The following NPSR1 variants were observed in gnomAD, a reference collection of about 807,000 sequenced individuals.
NPSR1 encodes the protein neuropeptide S receptor 1, also known as neuropeptide S receptor.
Under a neutral mutation model 46.9 loss-of-function variants are expected in NPSR1, and 48 were observed. The observed-to-expected ratio is 1.02, with a 90% CI of 0.81 to 1.30. The LOEUF is 1.30. NPSR1 is among the 50% of genes most tolerant of loss of function. The pLI, the probability that NPSR1 is intolerant of heterozygous loss-of-function variation, is 0.00. For missense variants in NPSR1, 450 were observed against 449.5 expected, an observed-to-expected ratio of 1.00 and a Z score of -0.01; for synonymous variants, 176 against 168.1, an observed-to-expected ratio of 1.05 and a Z score of -0.36.
intron 2 of NPSR1, among the ~76,000 whole-genome samples, chr7:34,772,925 C>G (rs1786756228): frequency 6.6e-6 from 1 of 152,076 alleles, no homozygotes; most frequent in Non-Finnish European, 1.5e-5. Flanking sequence ...CCTGCTAGTC[C>G]CTAGACACAA....
chr7:34,772,266 T>C (rs1786720714), intron 2 of NPSR1, among the ~76,000 whole-genome samples: 1 of 152,214 alleles, frequency 6.6e-6, no homozygotes, highest in Non-Finnish European at 1.5e-5. Flanking sequence ...CCATTTTTAC[T>C]ATTGCTCTTT....
chr7:34,700,158 A>G (rs1275406889), intron 2 of NPSR1, among the ~76,000 whole-genome samples: 1 of 152,164 alleles, frequency 6.6e-6, no homozygotes, highest in Non-Finnish European at 1.5e-5. Context: ...GTGGAAGCTC[A>G]AGGAACCGGA....
intron 4 of NPSR1, among the ~76,000 whole-genome samples, chr7:34,817,703 C>CA (rs1222952859): frequency 6.6e-6 from 1 of 151,226 alleles, no homozygotes; most frequent in Non-Finnish European, 1.5e-5. Context: ...TGCAGCACAT[C>CA]AAAAAGCTTA....
chr7:34,841,163 T>G (rs969659668), intron 6 of NPSR1, among the ~76,000 whole-genome samples: 1 of 152,200 alleles, frequency 6.6e-6, no homozygotes, highest in African/African-American at 2.4e-5. Context: ...CAGTTAGACT[T>G]CCATGTTTCT....
intron 6 of NPSR1, among the ~76,000 whole-genome samples, chr7:34,842,821 CTCAGGAGT>C (rs533646586): frequency 2.8e-4 from 42 of 152,382 alleles, no homozygotes; most frequent in Admixed American, 5.9e-4. Flanking sequence ...CTGCGGCCGC[CTCAGGAGT>C]TCAGCCCAAG....
chr7:34,772,110 A>C (rs1786713991), intron 2 of NPSR1, among the ~76,000 whole-genome samples: 1 of 152,190 alleles, frequency 6.6e-6, no homozygotes, highest in Non-Finnish European at 1.5e-5. Flanking sequence ...TTTTTCTTAA[A>C]GCCTTTTCAA....
intron 3 of NPSR1, among the ~76,000 whole-genome samples, chr7:34,801,822 T>G (rs1788430868): frequency 1.3e-5 from 2 of 148,600 alleles, no homozygotes; most frequent in African/African-American, 5.2e-5. Flanking sequence ...AGCCCCATCA[T>G]CTCAGCCCCA....
chr7:34,721,397 A>G (rs1317771543), intron 2 of NPSR1, among the ~76,000 whole-genome samples: 1 of 152,138 alleles, frequency 6.6e-6, no homozygotes, highest in Non-Finnish European at 1.5e-5. Flanking sequence ...TGAGCTTAAT[A>G]AAAGACGGAG....
At chr7:34,835,865 G>A (rs1009396581) in intron 6 of NPSR1, among the ~76,000 whole-genome samples, 38 of 152,280 alleles carry the variant, frequency 2.5e-4, no homozygotes, top group Middle Eastern at 3.4e-3. Flanking sequence ...ACAATGCACC[G>A]AAACCCAGAC....
chr7:34,813,268 T>C (rs35741217), intron 4 of NPSR1, among the ~76,000 whole-genome samples: 54 of 152,360 alleles, frequency 3.5e-4, no homozygotes, highest in African/African-American at 1.3e-3. Context: ...TTCATGATTC[T>C]AACTGATTCA....
intron 3 of NPSR1, among the ~76,000 whole-genome samples, chr7:34,803,819 A>G (rs1376894115): frequency 6.6e-6 from 1 of 151,910 alleles, no homozygotes; most frequent in Admixed American, 6.5e-5. Flanking sequence ...AGGGGTCATC[A>G]CTACTGATTC....
At chr7:34,670,364 A>G (rs1736604738) in intron 1 of NPSR1, among the ~76,000 whole-genome samples, 1 of 152,056 alleles carries the variant, frequency 6.6e-6, no homozygotes, top group South Asian at 2.1e-4. Context: ...GTTAGTAAAA[A>G]AGGAACTAGT....
At chr7:34,819,487 C>A (rs1032979815) in intron 4 of NPSR1, among the ~76,000 whole-genome samples, 5 of 152,182 alleles carry the variant, frequency 3.3e-5, no homozygotes, top group African/African-American at 1.2e-4. Flanking sequence ...ATTAGTTCAA[C>A]CATTGTGGAA....
intron 2 of NPSR1, 33 bp from the exon 3 acceptor site, chr7:34,778,429 C>T (rs772758299): frequency 7.1e-5 from 87 of 1,227,214 alleles, no homozygotes; most frequent in Non-Finnish European, 9.9e-5. Context: ...TAAAAATAAA[C>T]CCTGAATGTA....
At chr7:34,678,694 T>C (rs996227703) in intron 1 of NPSR1, among the ~76,000 whole-genome samples, 2 of 151,586 alleles carry the variant, frequency 1.3e-5, no homozygotes, top group Admixed American at 6.6e-5. Flanking sequence ...GGCATGGTGG[T>C]GGTTGCCTGC....
At chr7:34,658,587 A>G (rs1024327702) in intron 1 of NPSR1, 28 bp downstream of exon 1, 1 of 1,608,616 alleles carries the variant, frequency 6.2e-7, no homozygotes, top group Non-Finnish European at 8.5e-7. Flanking sequence ...GACTCTGAAC[A>G]CTGACTTATA....
intron 6 of NPSR1, among the ~76,000 whole-genome samples, chr7:34,836,080 C>G (rs182964708): frequency 3.5e-4 from 54 of 152,272 alleles, no homozygotes; most frequent in African/African-American, 1.3e-3. Flanking sequence ...AATTTTCAAC[C>G]CACGAAGACC....
At chr7:34,769,468 T>C (rs1169682420) in intron 2 of NPSR1, among the ~76,000 whole-genome samples, 1 of 152,236 alleles carries the variant, frequency 6.6e-6, no homozygotes, top group African/African-American at 2.4e-5. Context: ...TTAATTGGCA[T>C]GTGAGACCCA....
chr7:34,823,417 C>CAAAAAAAAAAAAAAAAAAAAAAAAAA (rs79081202), intron 4 of NPSR1, among the ~76,000 whole-genome samples: 1 of 103,958 alleles, frequency 9.6e-6, no homozygotes, highest in Non-Finnish European at 1.9e-5. Context: ...AAAAAAAAAA[C>CAAAAAAAAAAAAAAAAAAAAAAAAAA]AACACCATAA....
Sources: gnomAD v4.1 joint callset for allele counts (sites outside exome capture counted in the v4.1 genomes callset) on GRCh38, gnomAD v4.1.1 for gene constraint, MANE v1.5 for transcripts, NCBI Gene and HGNC (gene_info 2026-07-23, HGNC 2026-07-21) for gene names.